The following FGF10 variants were observed in gnomAD, a reference collection of about 807,000 sequenced individuals.
FGF10 encodes fibroblast growth factor 10, also known as FGF-10.
A neutral mutation model predicts 19.8 loss-of-function variants in FGF10; 2 were observed. The observed-to-expected ratio is 0.10, with a 90% CI of 0.04 to 0.32. The LOEUF (loss-of-function observed/expected upper bound fraction) is 0.32. FGF10 is among the 10% of genes least tolerant of loss of function. The pLI, the probability that FGF10 is intolerant of heterozygous loss-of-function variation, is 1.00. For missense variants in FGF10, 191 were observed against 246.3 expected, an observed-to-expected ratio of 0.78 and a Z score of 1.50; for synonymous variants, 112 against 94.0, an observed-to-expected ratio of 1.19 and a Z score of -1.10.
intron 1 of FGF10, among the ~76,000 whole-genome samples, chr5:44,382,927 T>C (rs1389758577): frequency 1.3e-5 from 2 of 152,154 alleles, no homozygotes; most frequent in Non-Finnish European, 2.9e-5. Context: ...TCTGAATTAC[T>C]CTTCATTGCA....
chr5:44,319,369 A>G (rs879939964), intron 1 of FGF10, among the ~76,000 whole-genome samples: 1 of 152,210 alleles, frequency 6.6e-6, no homozygotes, highest in African/African-American at 2.4e-5. Flanking sequence ...TTTCTTTAAT[A>G]TAACTAATTA....
chr5:44,329,017 G>T (rs1740672895), intron 1 of FGF10, among the ~76,000 whole-genome samples: 1 of 152,068 alleles, frequency 6.6e-6, no homozygotes. Context: ...AATAGCCTAA[G>T]AAGAGGAAAA....
chr5:44,321,247 C>A (rs1740479105), intron 1 of FGF10, among the ~76,000 whole-genome samples: 1 of 152,064 alleles, frequency 6.6e-6, no homozygotes, highest in Admixed American at 6.6e-5. Context: ...ATAACTAGAC[C>A]AATTGATGAA....
rs976240945 is a variant in FGF10, at chr5:44,301,571, C to A, written c.*3424G>T. Among the ~76,000 whole-genome samples the A allele has an allele frequency of 6.6e-6, 1 of 152,188 alleles. No individual in the cohort carries two copies. Among genetic ancestry groups the A allele is most frequent in the Admixed American group, 6.5e-5 (1 of 15,272 alleles). On this transcript the variant is annotated 3_prime_UTR_variant, in exon 3 of 3. Coordinates refer to ENST00000264664, the MANE Select transcript of FGF10 (RefSeq NM_004465.2). ...CAAAAGTCTTCCATTGTTTCATAAG[C>A]CATCCTCGTTTCCAATTCATTTTTC...
chr5:44,310,385 G>T (rs1264527047), intron 2 of FGF10, 42 bp downstream of exon 2: 2 of 1,357,434 alleles, frequency 1.5e-6, no homozygotes, highest in Non-Finnish European at 2.1e-6. Flanking sequence ...CTATGGTAAT[G>T]GTTTACTGGA....
intron 1 of FGF10, among the ~76,000 whole-genome samples, chr5:44,362,482 T>C (rs1211491896): frequency 1.3e-5 from 2 of 151,644 alleles, no homozygotes; most frequent in African/African-American, 4.8e-5. Flanking sequence ...AGAACTCCTA[T>C]AACCCAGCAA....
chr5:44,379,814 C>G (rs1008816942), intron 1 of FGF10, among the ~76,000 whole-genome samples: 1 of 152,170 alleles, frequency 6.6e-6, no homozygotes, highest in Non-Finnish European at 1.5e-5. Flanking sequence ...CTTCATCACT[C>G]CAGCAAAGCA....
intron 1 of FGF10, among the ~76,000 whole-genome samples, chr5:44,371,157 G>A (rs1741732841): frequency 6.6e-6 from 1 of 152,038 alleles, no homozygotes; most frequent in African/African-American, 2.4e-5. Flanking sequence ...TTCATTGATG[G>A]ATTAATTGAT....
chr5:44,342,006 C>A (rs1247561757), intron 1 of FGF10, among the ~76,000 whole-genome samples: 1 of 151,798 alleles, frequency 6.6e-6, no homozygotes, highest in Non-Finnish European at 1.5e-5. Flanking sequence ...GCAATATTGT[C>A]TTTTCTATAA....
chr5:44,338,087 A>G (rs1404116622), intron 1 of FGF10, among the ~76,000 whole-genome samples: 2 of 152,226 alleles, frequency 1.3e-5, no homozygotes, highest in East Asian at 3.8e-4. Flanking sequence ...AACATGTTAG[A>G]AAAAGGTTAA....
intron 1 of FGF10, among the ~76,000 whole-genome samples, chr5:44,362,275 T>A (rs1306780185): frequency 6.6e-6 from 1 of 151,750 alleles, no homozygotes; most frequent in Admixed American, 6.6e-5. Context: ...AGATAGTCCA[T>A]ATATCTTTTA....
chr5:44,346,223 A>G (rs1292314659), intron 1 of FGF10, among the ~76,000 whole-genome samples: 1 of 151,776 alleles, frequency 6.6e-6, no homozygotes, highest in Non-Finnish European at 1.5e-5. Flanking sequence ...TTCTGCCTCC[A>G]AAATGTCTTG....
At chr5:44,313,872 T>C (rs1267478203) in intron 1 of FGF10, among the ~76,000 whole-genome samples, 3 of 151,976 alleles carry the variant, frequency 2.0e-5, no homozygotes, top group Admixed American at 6.6e-5. Context: ...TTTTAGAAAA[T>C]GAAAATATAA....
intron 1 of FGF10, among the ~76,000 whole-genome samples, chr5:44,356,846 C>T (rs184817431): frequency 6.6e-6 from 1 of 151,252 alleles, no homozygotes; most frequent in East Asian, 2.0e-4. Flanking sequence ...GCAAGGCAGC[C>T]TTATCAAACT....
intron 1 of FGF10, among the ~76,000 whole-genome samples, chr5:44,383,983 C>A (rs1474604718): frequency 2.0e-5 from 3 of 152,028 alleles, no homozygotes. Flanking sequence ...AAGTAATAAT[C>A]CCAGATAATA....
rs180898727 is a variant in FGF10 at position 44,310,705 on chromosome 5, C to T, written c.326-175G>A. Among the ~76,000 whole-genome samples, 34 of 152,120 alleles carry T rather than the reference C, an allele frequency of 2.2e-4. No homozygotes were observed. In the South Asian group the frequency reaches 6.0e-3, roughly 27 times the overall value. On this transcript the variant is annotated intron_variant, in intron 1 of 2. Transcript: ENST00000264664. ...ATCTTTTTCAATGTGTCTTAAAACC[C>T]GGCAAGTATTTCCAGCAAATATATA...
chr5:44,387,109 A>G (rs1328404909), intron 1 of FGF10, among the ~76,000 whole-genome samples: 3 of 152,224 alleles, frequency 2.0e-5, no homozygotes, highest in Non-Finnish European at 4.4e-5. Context: ...TTTAAACATC[A>G]TTGTCTACTG....
intron 1 of FGF10, among the ~76,000 whole-genome samples, chr5:44,382,740 C>A (rs6892212): frequency 0.63 from 95,667 of 151,950 alleles, 32,707 homozygotes; most frequent in Non-Finnish European, 0.78. Flanking sequence ...GATTACTTGT[C>A]TATATTGTGA....
intron 1 of FGF10, among the ~76,000 whole-genome samples, chr5:44,337,876 G>A (rs1740888582): frequency 6.6e-6 from 1 of 152,126 alleles, no homozygotes; most frequent in African/African-American, 2.4e-5. Flanking sequence ...GGGAGGTGGA[G>A]GTTGCAGTGA....
Sources: allele counts gnomAD v4.1 joint callset (sites outside exome capture counted in the v4.1 genomes callset), GRCh38; gene constraint gnomAD v4.1.1; transcripts MANE v1.5; gene names NCBI Gene and HGNC (gene_info 2026-07-23, HGNC 2026-07-21).